The following SV2C variants were observed in gnomAD, a reference collection of about 807,000 sequenced individuals.
SV2C encodes the protein solute carrier family 22 member B3.
SV2C carries 49 observed loss-of-function variants against 79.7 expected under a neutral mutation model. The observed-to-expected ratio is 0.61, with a 90% confidence interval of 0.49 to 0.78. The LOEUF (loss-of-function observed/expected upper bound fraction) is 0.78. Ranked by LOEUF, SV2C falls within the 30% of genes least tolerant of loss-of-function variation. The pLI, the probability that SV2C is intolerant of heterozygous loss-of-function variation, is 0.00. For missense variants in SV2C, 833 were observed against 912.9 expected, an observed-to-expected ratio of 0.91 and a Z score of 1.13; for synonymous variants, 334 against 333.2, an observed-to-expected ratio of 1.00 and a Z score of -0.03.
At chr5:76,342,888 T>C (rs540408320) in intron 12 of SV2C, among the ~76,000 whole-genome samples, 89 of 41,070 alleles carry the variant, frequency 2.2e-3, no homozygotes, top group East Asian at 5.9e-3. Context: ...CTCTCTCTCT[T>C]TTTTTTTTTT....
chr5:76,196,550 A>T (rs1239886038), intron 3 of SV2C, among the ~76,000 whole-genome samples: 1 of 152,216 alleles, frequency 6.6e-6, no homozygotes, highest in Non-Finnish European at 1.5e-5. Context: ...GAATGAATGA[A>T]TGAAGAACAG....
chr5:76,098,410 G>A (rs918966035), intron 1 of SV2C, among the ~76,000 whole-genome samples: 1 of 152,236 alleles, frequency 6.6e-6, no homozygotes, highest in African/African-American at 2.4e-5. Context: ...CATTGAAAGA[G>A]TGACCCAGGA....
intron 10 of SV2C, among the ~76,000 whole-genome samples, chr5:76,300,192 T>TATTATTATTA (rs3073535): frequency 4.7e-5 from 7 of 148,794 alleles, no homozygotes; most frequent in African/African-American, 9.8e-5. Flanking sequence ...TTATTATTAT[T>TATTATTATTA]TTTGTAGAGA....
rs1437624093 is a variant in SV2C at position 76,136,677 on chromosome 5, A to G, written c.580+4347A>G. The stretch of plus-strand genomic sequence containing the variant: ...TTTGAACCATGGCACGTGTATACCT[A>G]TGTAACAAACCTTCACATTCTGCAC... On this transcript the variant is annotated intron_variant, in intron 2 of 12. Coordinates refer to ENST00000502798, the MANE Select transcript of SV2C (RefSeq NM_014979.4). 2.0e-5 allele frequency among the ~76,000 whole-genome samples: 3 copies of G among 152,212 alleles called. No individual in the cohort carries two copies. In the East Asian group the frequency reaches 5.8e-4, roughly 29 times the overall value.
intron 2 of SV2C, among the ~76,000 whole-genome samples, chr5:76,148,175 G>T (rs1268531415): frequency 6.6e-6 from 1 of 152,132 alleles, no homozygotes; most frequent in Non-Finnish European, 1.5e-5. Flanking sequence ...AGTGGGCTAA[G>T]GACACTGGAA....
In SV2C at chr5:76,242,310, C is replaced by T. The variant is rs1324995523; in HGVS notation, c.913+32423C>T. 4.1e-6 allele frequency: 6 copies of T among 1,467,978 alleles called. No homozygotes were observed. The East Asian group carries it at 9.3e-5, about 23-fold the overall frequency. 90.9% of individuals were successfully genotyped at this position (1,467,978 alleles called of 1,614,324 possible). On this transcript the variant is annotated intron_variant, in intron 4 of 12. Coordinates refer to ENST00000502798, the MANE Select transcript of SV2C (RefSeq NM_014979.4). ...CTCTTGGGCATGGTGGCGGCAGCGA[C>T]GGCAGCGGGACATAGGTGCTGGACG...
At chr5:76,104,725 G>T (rs546870629) in intron 1 of SV2C, among the ~76,000 whole-genome samples, 11 of 152,286 alleles carry the variant, frequency 7.2e-5, no homozygotes, top group African/African-American at 2.6e-4. Flanking sequence ...TTCCTGAGAT[G>T]GCTCCATGGT....
At chr5:76,275,261 G>C (rs1263605127) in intron 4 of SV2C, among the ~76,000 whole-genome samples, 1 of 152,156 alleles carries the variant, frequency 6.6e-6, no homozygotes, top group Non-Finnish European at 1.5e-5. Context: ...GCCGAGGCGG[G>C]CAGATCACGA....
At chr5:76,103,572 G>A (rs905030611) in intron 1 of SV2C, among the ~76,000 whole-genome samples, 1 of 152,206 alleles carries the variant, frequency 6.6e-6, no homozygotes, top group African/African-American at 2.4e-5. Context: ...CATAAAGACA[G>A]CCATAGCTTC....
At chr5:75,876,969 A>G in the SV2C span, among the ~76,000 whole-genome samples, 1 of 152,156 alleles carries the variant, frequency 6.6e-6, no homozygotes, top group Non-Finnish European at 1.5e-5. Context: ...TTAAATGTGA[A>G]TGGATTATAT....
At chr5:75,933,186 C>T in the SV2C span, among the ~76,000 whole-genome samples, 1 of 152,110 alleles carries the variant, frequency 6.6e-6, no homozygotes, top group Non-Finnish European at 1.5e-5. Flanking sequence ...CTAACCCTAC[C>T]CCCGCATCAT....
chr5:76,157,511 A>G (rs1742768250), intron 2 of SV2C, among the ~76,000 whole-genome samples: 2 of 152,038 alleles, frequency 1.3e-5, no homozygotes, highest in South Asian at 4.1e-4. Context: ...ATTAATGGAT[A>G]TATCACCTCC....
chr5:76,081,989 A>G (rs1747004763), upstream of SV2C: 1 of 152,278 alleles, frequency 6.6e-6, no homozygotes, highest in Non-Finnish European at 1.5e-5. Context: ...TCATTCAGCC[A>G]TCCATTCAAT....
At chr5:75,882,572 G>A in the SV2C span, among the ~76,000 whole-genome samples, 3 of 152,092 alleles carry the variant, frequency 2.0e-5, no homozygotes, top group South Asian at 2.1e-4. Flanking sequence ...ATGGAACAGA[G>A]CAGAGCCCTC....
chr5:76,127,526 C>T (rs1748748610), intron 1 of SV2C, among the ~76,000 whole-genome samples: 1 of 152,194 alleles, frequency 6.6e-6, no homozygotes, highest in African/African-American at 2.4e-5. Flanking sequence ...TATCCTGCAG[C>T]TTAGCATGAT....
chr5:75,991,136 T>A, the SV2C span, among the ~76,000 whole-genome samples: 25 of 152,062 alleles, frequency 1.6e-4, 1 homozygote, highest in Admixed American at 6.6e-4. Context: ...ATTGTTTTTT[T>A]AAAAAAATAT....
At chr5:76,135,498 G>A (rs1749036604) in intron 2 of SV2C, among the ~76,000 whole-genome samples, 2 of 152,144 alleles carry the variant, frequency 1.3e-5, no homozygotes, top group Non-Finnish European at 2.9e-5. Context: ...GAAAGGGGAG[G>A]TCTGGAACTT....
intron 2 of SV2C, among the ~76,000 whole-genome samples, chr5:76,138,316 G>C (rs1008078488): frequency 1.1e-4 from 16 of 152,274 alleles, no homozygotes; most frequent in African/African-American, 3.6e-4. Context: ...TTCATTTAAA[G>C]CACTTTCAAT....
the SV2C span, among the ~76,000 whole-genome samples, chr5:75,973,379 T>C: frequency 4.6e-5 from 7 of 151,672 alleles, no homozygotes; most frequent in African/African-American, 1.7e-4. Flanking sequence ...CCTGTAGTCC[T>C]AGCTGCTCAG....
Sources: gnomAD v4.1 joint callset for allele counts (sites outside exome capture counted in the v4.1 genomes callset) on GRCh38, gnomAD v4.1.1 for gene constraint, MANE v1.5 for transcripts, NCBI Gene and HGNC (gene_info 2026-07-23, HGNC 2026-07-21) for gene names.